ANKRD18B: variants seen among roughly 807,000 people sequenced by gnomAD.
ANKRD18B encodes ankyrin repeat domain 18B.
Under a neutral mutation model 111.8 loss-of-function variants are expected in ANKRD18B, and 75 were observed. The observed-to-expected ratio is 0.67, with a 90% CI of 0.56 to 0.81. The LOEUF is 0.81. Among genes scored for constraint, ANKRD18B ranks in the 40% least tolerant of loss-of-function variants. The pLI is 0.00. For synonymous variants in ANKRD18B, 356 were observed against 417.3 expected, an observed-to-expected ratio of 0.85 and a Z score of 1.79; for missense variants, 1,038 against 1,225.5, an observed-to-expected ratio of 0.85 and a Z score of 2.28.
downstream of ANKRD18B, among the ~76,000 whole-genome samples, chr9:33,575,352 C>A (rs1828847469): frequency 1.3e-5 from 2 of 152,228 alleles, no homozygotes; most frequent in Non-Finnish European, 1.5e-5. Flanking sequence ...ATGGAAGAAG[C>A]CAGGGCAGCA....
At chr9:33,568,949 T>C in intron 17 of ANKRD18B, 56 bp downstream of exon 17, 2 of 1,423,432 alleles carry the variant, frequency 1.4e-6, no homozygotes, top group East Asian at 5.0e-5. Context: ...TAATTCTTGT[T>C]TATAATTTGG....
chr9:33,535,437 C>A (rs1003939810), intron 5 of ANKRD18B, among the ~76,000 whole-genome samples: 1 of 152,024 alleles, frequency 6.6e-6, no homozygotes, highest in African/African-American at 2.4e-5. Flanking sequence ...AGGCACCCGC[C>A]ACCATCCCTG....
At chr9:33,560,397 G>A (rs1407849587) in intron 14 of ANKRD18B, among the ~76,000 whole-genome samples, 1 of 152,232 alleles carries the variant, frequency 6.6e-6, no homozygotes, top group East Asian at 1.9e-4. Context: ...CCAGTCTGCT[G>A]CTGGCATGTC....
At chr9:33,563,145 C>T (rs1828631861) in intron 14 of ANKRD18B, among the ~76,000 whole-genome samples, 1 of 152,212 alleles carries the variant, frequency 6.6e-6, no homozygotes, top group South Asian at 2.1e-4. Context: ...ATAAATTAAT[C>T]TCAACATTTA....
Position 33,534,301 on chromosome 9 carries a change from T to A in ANKRD18B, c.603-69T>A, listed in dbSNP as rs1314596428. The A allele has an allele frequency of 5.4e-6, 8 of 1,477,786 alleles. No individual in the cohort carries two copies. In the Admixed American group the frequency reaches 1.8e-4, roughly 33 times the overall value. 91.5% of individuals were successfully genotyped at this position (1,477,786 alleles called of 1,614,324 possible). A position where few individuals can be genotyped will look rare whatever the true frequency, so the allele number is the denominator to read the frequency against. On this transcript the variant is annotated intron_variant, in intron 4 of 18. Coordinates refer to ENST00000684830, the MANE Select transcript of ANKRD18B (RefSeq NM_001393611.1). ...CAGGCAAGATATGAAATTGGTAAAGTGTATCCAATTTGCTAATTAAATATC... is the reference window on the plus strand; with the variant it reads ...CAGGCAAGATATGAAATTGGTAAAGAGTATCCAATTTGCTAATTAAATATC...
At chr9:33,566,092 G>C (rs1200486441) in intron 14 of ANKRD18B, 127 bp from the exon 15 acceptor site, 4 of 843,688 alleles carry the variant, frequency 4.7e-6, no homozygotes, top group Non-Finnish European at 7.3e-6. Context: ...GTTCACATTT[G>C]AAGAATCTAC....
chr9:33,529,519 G>A (rs1308931628), intron 3 of ANKRD18B, among the ~76,000 whole-genome samples: 1 of 152,020 alleles, frequency 6.6e-6, no homozygotes, highest in African/African-American at 2.4e-5. Flanking sequence ...CAAAACTAAA[G>A]CAACTTACAA....
chr9:33,546,480 C>A (rs1344779161), intron 10 of ANKRD18B, among the ~76,000 whole-genome samples: 2 of 152,034 alleles, frequency 1.3e-5, no homozygotes, highest in East Asian at 1.9e-4. Flanking sequence ...TAGCGTAACT[C>A]CTCAGCCAAA....
At position 33,566,425 on chromosome 9, in the gene ANKRD18B, A is replaced by G; in HGVS notation, c.2667A>G (p.Lys889=). ...HMEKDMVELG[K]VQEYKSELDE... ...AAAAAGATATGGTAGAACTTGGTAA[A>G]GTACAAGAATATAAATCGGAGCTGG... Residue 889 remains lysine (K), a synonymous_variant, in exon 15 of 19, where the codon AAA becomes AAG. Transcript: ENST00000684830. 1 of 1,610,004 alleles carries G rather than the reference A, an allele frequency of 6.2e-7. No homozygotes were observed. The highest frequency in any genetic ancestry group is 2.2e-5 in the East Asian group (1 of 44,710).
At chr9:33,549,579 G>T (rs934501239) in intron 11 of ANKRD18B, among the ~76,000 whole-genome samples, 8 of 152,136 alleles carry the variant, frequency 5.3e-5, no homozygotes, top group Non-Finnish European at 1.2e-4. Context: ...ACTGAAGTGT[G>T]TTGCTGTGTC....
chr9:33,570,590 T>G (rs1828756982), intron 17 of ANKRD18B, among the ~76,000 whole-genome samples: 1 of 152,120 alleles, frequency 6.6e-6, no homozygotes, highest in East Asian at 1.9e-4. Flanking sequence ...GCTAAGAATT[T>G]CAAAGCAATG....
chr9:33,537,556 CTGTAATTACAT>C (rs1828219839), intron 6 of ANKRD18B, among the ~76,000 whole-genome samples: 1 of 152,080 alleles, frequency 6.6e-6, no homozygotes, highest in South Asian at 2.1e-4. Flanking sequence ...GCAATTTCCT[CTGTAATTACAT>C]TGTTACGAAT....
intron 15 of ANKRD18B, chr9:33,566,874 C>A (rs13285108): frequency 4.2e-6 from 2 of 475,350 alleles, no homozygotes; most frequent in Non-Finnish European, 7.3e-6. Context: ...TTTATAGGAC[C>A]AGATTACATT....
intron 14 of ANKRD18B, among the ~76,000 whole-genome samples, chr9:33,562,063 C>T (rs2118113614): frequency 6.6e-6 from 1 of 152,148 alleles, no homozygotes; most frequent in African/African-American, 2.4e-5. Context: ...GACATGATGG[C>T]AAGTCAGGCT....
intron 16 of ANKRD18B, among the ~76,000 whole-genome samples, chr9:33,568,195 C>A (rs936818225): frequency 1.3e-5 from 2 of 152,208 alleles, no homozygotes; most frequent in East Asian, 3.8e-4. Flanking sequence ...TATTTTTGTT[C>A]ATTTTAGTTT....
chr9:33,537,502 T>A (rs1828218997), intron 6 of ANKRD18B, among the ~76,000 whole-genome samples: 1 of 152,172 alleles, frequency 6.6e-6, no homozygotes, highest in African/African-American at 2.4e-5. Flanking sequence ...TTCTACATAT[T>A]TTTGTATTAA....
At chr9:33,543,847 T>A (rs934097920) in intron 10 of ANKRD18B, among the ~76,000 whole-genome samples, 10 of 152,174 alleles carry the variant, frequency 6.6e-5, no homozygotes, top group African/African-American at 9.7e-5. Context: ...TGTTTTAACA[T>A]AAGTAGAAAA....
intron 10 of ANKRD18B, among the ~76,000 whole-genome samples, chr9:33,543,553 G>A (rs4008873): frequency 9.5e-6 from 1 of 105,080 alleles, no homozygotes; most frequent in Non-Finnish European, 2.5e-5. Flanking sequence ...CAAAAATTGA[G>A]TTGTATTACT....
Position 33,548,543 on chromosome 9 carries a change from G to A in ANKRD18B, c.1755G>A (p.Ala585=), listed in dbSNP as rs757839851. 2.5e-5 allele frequency: 39 copies of A among 1,550,940 alleles called. No individual in the cohort carries two copies. Among genetic ancestry groups the A allele is most frequent in the African/African-American group, 2.3e-4 (17 of 73,060 alleles). ...GTGTACAGCTGGACCTAAAGCAAGC[G>A]CAGCATCGAATAAAGGAAATGAAGC... The part of the protein sequence containing the change: ...LESVQLDLKQ[A]QHRIKEMKQM... Residue 585 remains alanine, a synonymous_variant, in exon 11 of 19, where the codon GCG becomes GCA. Coordinates refer to ENST00000684830, the MANE Select transcript of ANKRD18B (RefSeq NM_001393611.1).
Sources: gnomAD v4.1 joint callset for allele counts (sites outside exome capture counted in the v4.1 genomes callset) on GRCh38, gnomAD v4.1.1 for gene constraint, MANE v1.5 for transcripts, NCBI Gene and HGNC (gene_info 2026-07-23, HGNC 2026-07-21) for gene names.